Variants in RAPGEF2 observed in about 807,000 individuals in gnomAD.
RAPGEF2 encodes PDZ domain containing guanine nucleotide exchange factor (GEF) 1.
Under a neutral mutation model 186.7 loss-of-function variants are expected in RAPGEF2, and 54 were observed. The ratio of observed to expected loss-of-function variants is 0.29; its 90% CI spans 0.23 to 0.36. The LOEUF (loss-of-function observed/expected upper bound fraction) is 0.36, where lower values mean the gene tolerates loss of function less well. RAPGEF2 is among the 10% of genes least tolerant of loss of function. The pLI is 1.00. For missense variants in RAPGEF2, 1,532 were observed against 2,045.0 expected, an observed-to-expected ratio of 0.75 and a Z score of 4.84; for synonymous variants, 712 against 705.9, an observed-to-expected ratio of 1.01 and a Z score of -0.14.
chr4:159,219,952 T>A (rs1443249256), intron 4 of RAPGEF2, among the ~76,000 whole-genome samples: 2 of 152,334 alleles, frequency 1.3e-5, no homozygotes, highest in African/African-American at 4.8e-5. Context: ...AAAAGAGAGA[T>A]CCTCCTCATG....
At chr4:159,172,701 G>C (rs937546304) in intron 1 of RAPGEF2, among the ~76,000 whole-genome samples, 1 of 152,174 alleles carries the variant, frequency 6.6e-6, no homozygotes, top group Non-Finnish European at 1.5e-5. Flanking sequence ...AGTAGGATAA[G>C]TAAAGTGAGA....
At chr4:159,249,189 A>G (rs1359514934) in intron 7 of RAPGEF2, among the ~76,000 whole-genome samples, 1 of 150,670 alleles carries the variant, frequency 6.6e-6, no homozygotes, top group African/African-American at 2.4e-5. Context: ...AACAGCGAAG[A>G]TGCTTTTCAT....
chr4:159,186,383 T>C (rs992933943), intron 1 of RAPGEF2, among the ~76,000 whole-genome samples: 2 of 152,104 alleles, frequency 1.3e-5, no homozygotes, highest in Admixed American at 1.3e-4. Flanking sequence ...AAAGAACGAT[T>C]TATGAGGAAT....
At chr4:159,255,986 A>G (rs997117297) in intron 7 of RAPGEF2, among the ~76,000 whole-genome samples, 4 of 152,232 alleles carry the variant, frequency 2.6e-5, no homozygotes, top group Non-Finnish European at 5.9e-5. Flanking sequence ...CATTTCATAG[A>G]TGATCAGTAC....
intron 10 of RAPGEF2, 93 bp from the exon 11 acceptor site, chr4:159,323,366 G>T: frequency 9.6e-7 from 1 of 1,040,416 alleles, no homozygotes; most frequent in Non-Finnish European, 1.4e-6. Flanking sequence ...CAAAATGGAA[G>T]ATCTGCTAAT....
rs1561023296 is a variant in RAPGEF2 at position 159,157,507 on chromosome 4, A to T, written c.70-29135A>T. Among the ~76,000 whole-genome samples the T allele has an allele frequency of 3.3e-5, 5 of 152,192 alleles. No individual in the cohort carries two copies. The South Asian group carries it at 1.0e-3, about 32-fold the overall frequency. On this transcript the variant is annotated intron_variant, in intron 1 of 29. Coordinates refer to ENST00000691494, the MANE Select transcript of RAPGEF2 (RefSeq NM_001394067.2). Reference sequence around the variant, plus strand: ...CCCATACTCTTTTAAAGTGGTTTCTAGGGTTTCGGAGTCAGACCTTTGACT... The same window carrying T: ...CCCATACTCTTTTAAAGTGGTTTCTTGGGTTTCGGAGTCAGACCTTTGACT...
At chr4:159,169,693 G>A (rs577904882) in intron 1 of RAPGEF2, among the ~76,000 whole-genome samples, 2 of 151,760 alleles carry the variant, frequency 1.3e-5, no homozygotes, top group South Asian at 2.1e-4. Context: ...GCCTTTGTAC[G>A]CCTGGCTTAT....
At chr4:159,292,841 A>G (rs2110968967) in intron 7 of RAPGEF2, among the ~76,000 whole-genome samples, 1 of 152,326 alleles carries the variant, frequency 6.6e-6, no homozygotes, top group East Asian at 1.9e-4. Flanking sequence ...TTGAGTAGAT[A>G]TTAGTGCTCT....
chr4:159,299,072 A>T (rs1195398787), intron 7 of RAPGEF2, among the ~76,000 whole-genome samples: 1 of 152,124 alleles, frequency 6.6e-6, no homozygotes, highest in Non-Finnish European at 1.5e-5. Flanking sequence ...GAACATAAAG[A>T]CTCAAAACCC....
chr4:159,110,237 A>G (rs1054016123), intron 1 of RAPGEF2, among the ~76,000 whole-genome samples: 1 of 152,170 alleles, frequency 6.6e-6, no homozygotes, highest in African/African-American at 2.4e-5. Context: ...TTAAACATTA[A>G]TGTCTTCTAC....
intron 7 of RAPGEF2, among the ~76,000 whole-genome samples, chr4:159,301,284 G>A (rs948559820): frequency 2.0e-4 from 31 of 152,022 alleles, no homozygotes; most frequent in African/African-American, 4.3e-4. Context: ...CAGGAGAATC[G>A]CTTAAATCCG....
intron 1 of RAPGEF2, among the ~76,000 whole-genome samples, chr4:159,115,308 T>C (rs559060860): frequency 6.6e-6 from 1 of 152,356 alleles, no homozygotes; most frequent in South Asian, 2.1e-4. Flanking sequence ...TTTTCAATAA[T>C]AAAGACATAA....
intron 28 of RAPGEF2, 151 bp from the exon 29 acceptor site, chr4:159,355,702 G>A: frequency 1.4e-6 from 1 of 701,866 alleles, no homozygotes; most frequent in Non-Finnish European, 2.3e-6. Flanking sequence ...GCATTCCCTG[G>A]CCTGCCTCAC....
At chr4:159,167,098 A>G (rs1484153147) in intron 1 of RAPGEF2, among the ~76,000 whole-genome samples, 3 of 152,218 alleles carry the variant, frequency 2.0e-5, no homozygotes, top group African/African-American at 7.2e-5. Context: ...GAAAAGTATG[A>G]CAGGAGACTT....
intron 1 of RAPGEF2, among the ~76,000 whole-genome samples, chr4:159,131,517 C>CTT (rs1279175651): frequency 2.8e-5 from 1 of 35,410 alleles, no homozygotes; most frequent in Non-Finnish European, 5.0e-5. Flanking sequence ...TGATTAATTG[C>CTT]TATTTTTTTT....
chr4:159,251,049 AG>A (rs1247717119), intron 7 of RAPGEF2, among the ~76,000 whole-genome samples: 1 of 152,154 alleles, frequency 6.6e-6, no homozygotes, highest in Non-Finnish European at 1.5e-5. Context: ...CAGGGCAGTG[AG>A]GGGCTTAGCA....
chr4:159,335,345 A>C (rs1767252790), intron 17 of RAPGEF2, among the ~76,000 whole-genome samples: 1 of 152,026 alleles, frequency 6.6e-6, no homozygotes, highest in Non-Finnish European at 1.5e-5. Flanking sequence ...ATCGAAAGAC[A>C]ATTTCAGTAA....
chr4:159,260,909 C>T (rs144314320), intron 7 of RAPGEF2, among the ~76,000 whole-genome samples: 10 of 152,162 alleles, frequency 6.6e-5, no homozygotes, highest in East Asian at 3.9e-4. Context: ...CCACCATGCC[C>T]GGCTAATTTT....
At chr4:159,153,004 T>G (rs1186058485) in intron 1 of RAPGEF2, among the ~76,000 whole-genome samples, 1 of 152,228 alleles carries the variant, frequency 6.6e-6, no homozygotes, top group Non-Finnish European at 1.5e-5. Flanking sequence ...TATATCTAGT[T>G]AGTAAGTGTT....
Sources: gnomAD v4.1 joint callset for allele counts (sites outside exome capture counted in the v4.1 genomes callset) on GRCh38, gnomAD v4.1.1 for gene constraint, MANE v1.5 for transcripts, NCBI Gene and HGNC (gene_info 2026-07-23, HGNC 2026-07-21) for gene names.